POMT1: variants seen among roughly 807,000 people sequenced by gnomAD.
POMT1 encodes protein O-mannosyltransferase 1.
POMT1 carries 85 observed loss-of-function variants against 101.6 expected under a neutral mutation model. The ratio of observed to expected loss-of-function variants is 0.84; its 90% CI spans 0.70 to 1.00. The LOEUF is 1.00. Among genes scored for constraint, POMT1 ranks in the 50% least tolerant of loss-of-function variants. POMT1 has a pLI of 0.00. For synonymous variants in POMT1, 371 were observed against 383.0 expected, an observed-to-expected ratio of 0.97 and a Z score of 0.37; for missense variants, 857 against 930.4, an observed-to-expected ratio of 0.92 and a Z score of 1.03.
At chr9:131,510,607 G>A (rs555408495) in intron 9 of POMT1, 192 bp downstream of exon 9, 7 of 747,186 alleles carry the variant, frequency 9.4e-6, no homozygotes, top group African/African-American at 1.7e-5. Flanking sequence ...GGCTTCAAGC[G>A]ATTCTCCTAC....
Position 131,522,082 on chromosome 9 carries a change from T to C in POMT1, c.1861T>C (p.Cys621Arg). ...GCGCTGGGTGCTGGCTGGGGCGCTGTGTGCCGGTGGCTGGGCAGTGAACTA... is the reference window on the plus strand; with the variant it reads ...GCGCTGGGTGCTGGCTGGGGCGCTGCGTGCCGGTGGCTGGGCAGTGAACTA... ...WLRWVLAGAL[C>R]AGGWAVNYLP... Residue 621 changes from cysteine (C) to arginine (R), a missense_variant, in exon 19 of 20, where the codon TGT becomes CGT. Coordinates refer to ENST00000402686, the MANE Select transcript of POMT1 (RefSeq NM_001077365.2). The surrounding 1 kb of genome is among the most constrained non-coding windows in gnomAD (Gnocchi z 5.5). 1 of 1,614,142 alleles carries C rather than the reference T, an allele frequency of 6.2e-7. No individual in the cohort carries two copies. Among genetic ancestry groups the C allele is most frequent in the South Asian group, 1.1e-5 (1 of 91,090 alleles).
Position 131,503,289 on chromosome 9 carries a change from G to A in POMT1, c.-31+216G>A, listed in dbSNP as rs1944970815. The A allele has an allele frequency of 6.5e-6, 1 of 152,702 alleles. No individual in the cohort carries two copies. Among genetic ancestry groups the A allele is most frequent in the African/African-American group, 2.4e-5 (1 of 41,468 alleles). The allele number at this position is 152,702 out of a possible 1,614,324, so 9.5% of individuals were successfully genotyped here. A position where few individuals can be genotyped will look rare whatever the true frequency, so the allele number is the denominator to read the frequency against. ...GGCGCGTGCAGCCCTAGGGAGGAAG[G>A]GCGTGCTGCGGGTGCAGTCTCAGGG... On this transcript the variant is annotated intron_variant, in intron 1 of 19. Coordinates refer to ENST00000402686, the MANE Select transcript of POMT1 (RefSeq NM_001077365.2). The surrounding 1 kb of genome is among the most constrained non-coding windows in gnomAD (Gnocchi z 4.4).
rs778791741 is a variant in POMT1 at position 131,513,316 on chromosome 9, C to G, written c.1160C>G (p.Thr387Ser). Residue 387 changes from threonine to serine, a missense_variant, in exon 12 of 20, where the codon ACC becomes AGC. Thr to Ser is a moderately conservative substitution (Grantham distance 58). Coordinates refer to ENST00000402686, the MANE Select transcript of POMT1 (RefSeq NM_001077365.2). ...DMVQLVHGMT[T>S]RSLNTHDVAA... ...GTGCAGCTGGTCCACGGCATGACCA[C>G]CCGCTCCCTGAACACGTGAGTGTGC... is the stretch of plus-strand genomic sequence containing the variant. 2 of 1,612,106 alleles carry G rather than the reference C, an allele frequency of 1.2e-6. No individual in the cohort carries two copies. Among genetic ancestry groups the G allele is most frequent in the African/African-American group, 2.7e-5 (2 of 74,884 alleles).
chr9:131,506,839 C>T (rs1486111776), intron 4 of POMT1: 3 of 306,012 alleles, frequency 9.8e-6, no homozygotes, highest in East Asian at 8.4e-5. Context: ...GAGGCTGAGA[C>T]GGGTGGATCA....
chr9:131,509,937 G>A lies in POMT1; in HGVS notation c.640G>A (p.Val214Met), dbSNP rs778740383. Residue 214 changes from valine (V) to methionine (M), a missense_variant, in exon 8 of 20, where the codon GTG becomes ATG. By Grantham distance (21) the Val-to-Met change is conservative. Transcript: ENST00000402686. ...KYMGVFTYVL[V>M]LGVAAVHAWH... ...CATGGGTGTGTTCACGTACGTGCTC[G>A]TGCTGGGTGTTGCAGCTGTCCATGC... is the stretch of plus-strand genomic sequence containing the variant. 2.7e-5 allele frequency: 44 copies of A among 1,614,084 alleles called. 1 individual carries two copies. Among genetic ancestry groups the A allele is most frequent in the South Asian group, 5.5e-5 (5 of 91,090 alleles).
rs1256677300 is a variant in POMT1, at chr9:131,506,151, T to C, written c.160T>C (p.Tyr54His). Residue 54 changes from tyrosine to histidine, a missense_variant, in exon 3 of 20, where the codon TAC becomes CAC. Physicochemically the swap from Tyr to His is moderately conservative, Grantham distance 83 (BLOSUM62 2). Coordinates refer to ENST00000402686, the MANE Select transcript of POMT1 (RefSeq NM_001077365.2). ...EVYYGQYISF[Y>H]MKQIFFLDDS... ...ATATTATGGGCAGTACATCTCTTTT[T>C]ACATGAAACAAATCTTCTTCTTGGA... 1 of 1,614,108 alleles carries C rather than the reference T, an allele frequency of 6.2e-7. No homozygotes were observed. Among genetic ancestry groups the C allele is most frequent in the African/African-American group, 1.3e-5 (1 of 74,946 alleles).
intron 9 of POMT1, chr9:131,511,101 G>A (rs930920947): frequency 3.2e-5 from 16 of 506,114 alleles, no homozygotes; most frequent in Middle Eastern, 5.2e-4. Flanking sequence ...TGAATAGGGT[G>A]CGCGTGGAAG....
At position 131,507,772 on chromosome 9, in the gene POMT1, C is replaced by T. The variant is rs74435115; in HGVS notation, c.427+258C>T. ...GATGCTGCTGCAAAGTCCATGCACACGTGGGCACCTCCATCTCCAACCAAT... is the reference window on the plus strand; with the variant it reads ...GATGCTGCTGCAAAGTCCATGCACATGTGGGCACCTCCATCTCCAACCAAT... On this transcript the variant is annotated intron_variant, in intron 5 of 19. Transcript: ENST00000402686. Among the ~76,000 whole-genome samples, 15,270 of 152,246 alleles carry T rather than the reference C, an allele frequency of 0.1. 915 individuals carry two copies. The highest frequency in any genetic ancestry group is 0.13 in the Non-Finnish European group (9,020 of 68,004).
intron 11 of POMT1, among the ~76,000 whole-genome samples, chr9:131,512,599 CT>C (rs942545249): frequency 1.8e-4 from 27 of 152,058 alleles, no homozygotes; most frequent in African/African-American, 6.3e-4. Context: ...CCCGAGTGGG[CT>C]TTTTCTTTTT....
At position 131,511,073 on chromosome 9, in the gene POMT1, T is replaced by C. The variant is rs1219827722; in HGVS notation, c.856-264T>C. The stretch of plus-strand genomic sequence containing the variant: ...AGACATCATCATTGCTCTTACCTCA[T>C]TGGATGCTTGTAAGGACTGAATAGG... On this transcript the variant is annotated intron_variant, in intron 9 of 19. Transcript: ENST00000402686. 2.4e-5 allele frequency: 10 copies of C among 416,768 alleles called. No homozygotes were observed. In the East Asian group the frequency reaches 3.1e-4, roughly 13 times the overall value. The allele number at this position is 416,768 out of a possible 1,614,324, so 25.8% of individuals were successfully genotyped here. A position where few individuals can be genotyped will look rare whatever the true frequency, so the allele number is the denominator to read the frequency against.
chr9:131,521,668 A>G (rs1949945720), intron 18 of POMT1, among the ~76,000 whole-genome samples, 196 bp downstream of exon 18: 1 of 152,162 alleles, frequency 6.6e-6, no homozygotes, highest in Non-Finnish European at 1.5e-5. Flanking sequence ...CCTACCCCTT[A>G]ACGCGGCCTC....
At chr9:131,504,382 T>C (rs1346878050) in intron 2 of POMT1, 42 bp downstream of exon 2, 4 of 1,613,922 alleles carry the variant, frequency 2.5e-6, no homozygotes, top group Non-Finnish European at 3.4e-6. Flanking sequence ...TCTAGAATTG[T>C]ACTTTGTGAC....
intron 17 of POMT1, among the ~76,000 whole-genome samples, chr9:131,520,909 C>T (rs1949794788): frequency 6.6e-6 from 1 of 152,220 alleles, no homozygotes; most frequent in Non-Finnish European, 1.5e-5. Context: ...GTGGCGTGAT[C>T]TTGGCTCACT....
intron 6 of POMT1, 56 bp downstream of exon 6, chr9:131,509,078 G>T: frequency 7.8e-7 from 1 of 1,285,788 alleles, no homozygotes; most frequent in Admixed American, 1.7e-5. Context: ...TGGGTGGTTT[G>T]TTGATCTGAG....
At chr9:131,520,717 G>C (rs190581031) in intron 17 of POMT1, among the ~76,000 whole-genome samples, 2 of 152,354 alleles carry the variant, frequency 1.3e-5, no homozygotes, top group East Asian at 3.9e-4. Context: ...GCCCCACCCC[G>C]AGCTCTGAGC....
At chr9:131,510,552 G>T (rs978807511) in intron 9 of POMT1, 137 bp downstream of exon 9, 2 of 1,221,684 alleles carry the variant, frequency 1.6e-6, no homozygotes, top group Non-Finnish European at 2.3e-6. Flanking sequence ...TCTTTTTTTG[G>T]TGGGGGGGAT....
At position 131,521,369 on chromosome 9, in the gene POMT1, C is replaced by T; in HGVS notation, c.1722C>T (p.Asn574=). 1 of 1,614,206 alleles carries T rather than the reference C, an allele frequency of 6.2e-7. No homozygotes were observed. The highest frequency in any genetic ancestry group is 1.6e-4 in the Middle Eastern group (1 of 6,062). ...RTSAQIHLLG[N]IVIWVSGSLA... ...AGGCTCAGATCCACCTACTTGGAAA[C>T]ATAGTGATCTGGGTTTCGGGCAGCC... The change falls in exon 18 of 20, where the codon AAC becomes AAT. Residue 574 remains asparagine, a synonymous_variant. Coordinates refer to ENST00000402686, the MANE Select transcript of POMT1 (RefSeq NM_001077365.2).
Position 131,503,653 on chromosome 9 carries a change from G to A in POMT1, c.-30-536G>A, listed in dbSNP as rs1249596376. 1.3e-5 allele frequency among the ~76,000 whole-genome samples: 2 copies of A among 152,216 alleles called. No homozygotes were observed. Among genetic ancestry groups the A allele is most frequent in the African/African-American group, 4.8e-5 (2 of 41,460 alleles). On this transcript the variant is annotated intron_variant, in intron 1 of 19. Transcript: ENST00000402686. This position sits in a 1 kb window ranked among gnomAD's most constrained non-coding sequence, Gnocchi z 4.4. ...GGAGGAGAACGTGGGGGCGCAGGGT[G>A]CAAATGCACCCTCCAGGCGAGAAAG...
intron 9 of POMT1, chr9:131,510,827 A>T: frequency 2.9e-6 from 1 of 339,870 alleles, no homozygotes; most frequent in African/African-American, 2.1e-5. Flanking sequence ...TTTAAAGTCA[A>T]GTCTTACAAA....
Sources: gnomAD v4.1 joint callset for allele counts (sites outside exome capture counted in the v4.1 genomes callset) on GRCh38, gnomAD v4.1.1 for gene constraint, Gnocchi (gnomAD v3.1) non-coding constraint, MANE v1.5 for transcripts, NCBI Gene and HGNC (gene_info 2026-07-23, HGNC 2026-07-21) for gene names.